The following DNAH10 variants were observed in gnomAD, a reference collection of about 807,000 sequenced individuals.
DNAH10 encodes axonemal beta dynein heavy chain 10.
Under a neutral mutation model 506.6 loss-of-function variants are expected in DNAH10, and 348 were observed. That is an observed-to-expected ratio of 0.69 (90% CI 0.63 to 0.75). The LOEUF (loss-of-function observed/expected upper bound fraction) is 0.75, where lower values mean the gene tolerates loss of function less well. Ranked by LOEUF, DNAH10 falls within the 30% of genes least tolerant of loss-of-function variation. The pLI is 0.00. For synonymous variants in DNAH10, 2,059 were observed against 2,198.6 expected (o/e 0.94, Z 1.78); for missense variants, 5,179 against 5,787.1 (o/e 0.89, Z 3.41).
chr12:123,833,715 T>C (rs1206382137), intron 27 of DNAH10, among the ~76,000 whole-genome samples: 1 of 152,228 alleles, frequency 6.6e-6, no homozygotes, highest in African/African-American at 2.4e-5. Context: ...TCTACACTTT[T>C]TAAAAAAATG....
chr12:123,919,104 C>A lies in DNAH10; in HGVS notation c.11506+155C>A. 1.0e-6 allele frequency: 1 copy of A among 969,172 alleles called. No individual in the cohort carries two copies. The highest frequency in any genetic ancestry group is 1.5e-6 in the Non-Finnish European group (1 of 688,932). 60.0% of individuals were successfully genotyped at this position (969,172 alleles called of 1,614,324 possible). ...TTTTCTTTTTTTTTTGAGATAGGGT[C>A]TTGCTCCATCACCCAGGCTGGAATG... is the stretch of plus-strand genomic sequence containing the variant. On this transcript the variant is annotated intron_variant, in intron 65 of 78. Coordinates refer to ENST00000673944, the MANE Select transcript of DNAH10 (RefSeq NM_001372106.1). The surrounding 1 kb of genome is among the most constrained non-coding windows in gnomAD (Gnocchi z 4.9).
At chr12:123,824,800 A>G (rs1307118781) in intron 24 of DNAH10, among the ~76,000 whole-genome samples, 1 of 151,784 alleles carries the variant, frequency 6.6e-6, no homozygotes, top group Non-Finnish European at 1.5e-5. Context: ...CTCTTCTTAT[A>G]CGGACACCAG....
intron 72 of DNAH10, chr12:123,930,161 C>T (rs1259342137): frequency 1.9e-6 from 1 of 516,050 alleles, no homozygotes; most frequent in South Asian, 3.6e-5. Context: ...TGCACAGGAG[C>T]TCCCAACACT....
At chr12:123,872,465 A>G (rs1952073725) in intron 45 of DNAH10, among the ~76,000 whole-genome samples, 2 of 152,162 alleles carry the variant, frequency 1.3e-5, no homozygotes, top group South Asian at 2.1e-4. Context: ...GGTGCTCATC[A>G]GCCCAGCCAG....
chr12:123,767,714 GA>G (rs1957099977), intron 2 of DNAH10, 25 bp downstream of exon 2: 9 of 1,598,484 alleles, frequency 5.6e-6, no homozygotes, highest in Non-Finnish European at 7.7e-6. Context: ...GGGGTCATGG[GA>G]GGGTGGAACT....
At chr12:123,876,136 G>T (rs1465522614) in intron 47 of DNAH10, among the ~76,000 whole-genome samples, 1 of 152,186 alleles carries the variant, frequency 6.6e-6, no homozygotes, top group African/African-American at 2.4e-5. Context: ...CAGGGGCCAG[G>T]TGGGTAAGAT....
intron 53 of DNAH10, 37 bp from the exon 54 acceptor site, chr12:123,894,606 G>C (rs1953136259): frequency 1.9e-6 from 3 of 1,593,690 alleles, no homozygotes; most frequent in Non-Finnish European, 2.6e-6. Flanking sequence ...CATTGCCCAG[G>C]CTGGGAGCAT....
At chr12:123,860,772 A>G in intron 38 of DNAH10, among the ~76,000 whole-genome samples, 1 of 152,356 alleles carries the variant, frequency 6.6e-6, no homozygotes, top group South Asian at 2.1e-4. Flanking sequence ...CCAGAGGCAA[A>G]GCTGTGCTTC....
chr12:123,847,086 A>G (rs1204861365), intron 32 of DNAH10, among the ~76,000 whole-genome samples: 1 of 148,194 alleles, frequency 6.7e-6, no homozygotes, highest in Non-Finnish European at 1.5e-5. Context: ...CTGTGTATCT[A>G]TCTATCTATC....
intron 36 of DNAH10, among the ~76,000 whole-genome samples, chr12:123,855,555 AC>A (rs1190716475): frequency 6.7e-6 from 1 of 150,366 alleles, no homozygotes; most frequent in Non-Finnish European, 1.5e-5. Flanking sequence ...GATTGCTTGA[AC>A]CTGGGAGGTG....
Position 123,851,080 on chromosome 12 carries a change from G to T in DNAH10, c.6291+4G>T, listed in dbSNP as rs1481990515. The T allele has an allele frequency of 6.3e-7, 1 of 1,594,344 alleles. No homozygotes were observed. Among genetic ancestry groups the T allele is most frequent in the Non-Finnish European group, 8.6e-7 (1 of 1,167,686 alleles). On this transcript the variant is annotated splice_donor_region_variant and intron_variant, in intron 35 of 78. Coordinates refer to ENST00000673944, the MANE Select transcript of DNAH10 (RefSeq NM_001372106.1). ...TGAGGGCTTCCTGGAGGCCAAGGTGGGGGGCCTTGGCAGCGCCAGGTCGTG... is the reference window on the plus strand; with the variant it reads ...TGAGGGCTTCCTGGAGGCCAAGGTGTGGGGCCTTGGCAGCGCCAGGTCGTG...
chr12:123,829,360 ACAGGCCCAGT>A (rs1400200514), intron 25 of DNAH10, among the ~76,000 whole-genome samples: 2 of 152,184 alleles, frequency 1.3e-5, no homozygotes, highest in African/African-American at 4.8e-5. Context: ...GGGCACTTGC[ACAGGCCCAGT>A]TGAAAGGTCA....
rs1958181207 is a variant in DNAH10 at position 123,793,935 on chromosome 12, T to C, written c.1816-7T>C. ...GCATGAGGGTTGTTTTGTTGATTTT[T>C]TTGCAGGTTATTGAGAAAGAAGCAA... On this transcript the variant is annotated splice_region_variant and splice_polypyrimidine_tract_variant and intron_variant, in intron 11 of 78. Transcript: ENST00000673944. 1.7e-6 allele frequency: 2 copies of C among 1,203,840 alleles called. No individual in the cohort carries two copies. Among genetic ancestry groups the C allele is most frequent in the Non-Finnish European group, 2.1e-6 (2 of 938,706 alleles). The allele number at this position is 1,203,840 out of a possible 1,614,324, so 74.6% of individuals were successfully genotyped here.
At chr12:123,776,582 A>C (rs1454391520) in intron 5 of DNAH10, among the ~76,000 whole-genome samples, 1 of 151,594 alleles carries the variant, frequency 6.6e-6, no homozygotes, top group African/African-American at 2.4e-5. Flanking sequence ...GTTGCAGAGT[A>C]TGGTGGTCAT....
chr12:123,796,911 C>G, intron 13 of DNAH10, 79 bp downstream of exon 13: 1 of 1,372,802 alleles, frequency 7.3e-7, no homozygotes, highest in Non-Finnish European at 9.7e-7. Context: ...CGCTCTGTCG[C>G]CCAGGCTGGA....
intron 11 of DNAH10, among the ~76,000 whole-genome samples, chr12:123,793,587 C>G (rs1958166730): frequency 6.6e-6 from 1 of 152,298 alleles, no homozygotes; most frequent in East Asian, 1.9e-4. Context: ...ATCTGCCCGT[C>G]TCGGCCTCCC....
chr12:123,931,759 C>A lies in DNAH10; in HGVS notation c.13040C>A (p.Ser4347Tyr). The A allele has an allele frequency of 1.2e-6, 2 of 1,614,042 alleles. No homozygotes were observed. Among genetic ancestry groups the A allele is most frequent in the Non-Finnish European group, 1.7e-6 (2 of 1,179,890 alleles). ...AGGAAGCGCCTCGGAACAGGACTCT[C>A]CCCCACTTCGGTGGTGCTCCTGCAG... ...QVRKRLGTGL[S>Y]PTSVVLLQEL... Residue 4347 changes from serine (S) to tyrosine (Y), a missense_variant, in exon 75 of 79, where the codon TCC (serine) becomes TAC (tyrosine). Ser to Tyr is a moderately radical substitution (Grantham distance 144, BLOSUM62 -2). Transcript: ENST00000673944.
At chr12:123,906,655 A>G (rs1953796086) in intron 57 of DNAH10, among the ~76,000 whole-genome samples, 1 of 152,164 alleles carries the variant, frequency 6.6e-6, no homozygotes, top group South Asian at 2.1e-4. Context: ...AATTTTTTAT[A>G]TTTAAATCTT....
chr12:123,765,561 AC>A (rs112862567), intron 1 of DNAH10, among the ~76,000 whole-genome samples: 3,407 of 95,842 alleles, frequency 0.036, 85 homozygotes, highest in African/African-American at 0.074. Flanking sequence ...ATCTATCTAT[AC>A]TTTATCTATC....
Sources: gnomAD v4.1 joint callset for allele counts (sites outside exome capture counted in the v4.1 genomes callset) on GRCh38, gnomAD v4.1.1 for gene constraint, Gnocchi (gnomAD v3.1) non-coding constraint, MANE v1.5 for transcripts, NCBI Gene and HGNC (gene_info 2026-07-23, HGNC 2026-07-21) for gene names.